Variants in CTNND2 observed in about 807,000 individuals in gnomAD.
CTNND2 encodes catenin delta-2.
Under a neutral mutation model 144.4 loss-of-function variants are expected in CTNND2, and 22 were observed. That is an observed-to-expected ratio of 0.15 (90% CI 0.11 to 0.22). The LOEUF is 0.22. Ranked by LOEUF, CTNND2 falls within the 10% of genes least tolerant of loss-of-function variation. The pLI is 1.00. For synonymous variants in CTNND2, 751 were observed against 695.6 expected, an observed-to-expected ratio of 1.08 and a Z score of -1.25; for missense variants, 1,353 against 1,618.8, an observed-to-expected ratio of 0.84 and a Z score of 2.82.
chr5:11,117,454 C>G lies in CTNND2; in HGVS notation c.2273G>C (p.Ser758Thr), dbSNP rs774124035. The G allele has an allele frequency of 6.2e-7, 1 of 1,613,040 alleles. No homozygotes were observed. The highest frequency in any genetic ancestry group is 8.5e-7 in the Non-Finnish European group (1 of 1,178,986). ...ATCTATGCCAGCACAACCAACCTTG[C>G]TATCGATCTCACTGCTCCCCAGCGC... The part of the protein sequence containing the change: ...QSALGSSEID[S>T]KTVENCVCIL... The change falls in exon 13 of 22, where the codon AGC becomes ACC. Residue 758 changes from serine to threonine, a missense_variant. By Grantham distance (58) the Ser-to-Thr change is moderately conservative. This residue lies in a region of CTNND2 where 459 missense variants were observed against 674.3 expected (regional missense o/e 0.68). Coordinates refer to ENST00000304623, the MANE Select transcript of CTNND2 (RefSeq NM_001332.4).
intron 1 of CTNND2, among the ~76,000 whole-genome samples, chr5:11,879,369 A>ATG (rs1735853227): frequency 8.0e-5 from 11 of 138,234 alleles, no homozygotes; most frequent in East Asian, 2.1e-4. Context: ...ATATACACAC[A>ATG]CACACAAACA....
chr5:11,656,988 G>T (rs903890348), intron 2 of CTNND2, among the ~76,000 whole-genome samples: 14 of 152,112 alleles, frequency 9.2e-5, no homozygotes, highest in African/African-American at 3.4e-4. Context: ...TAGGGCTGTT[G>T]TCTGAAAACA....
At chr5:11,717,920 C>G (rs919088140) in intron 2 of CTNND2, among the ~76,000 whole-genome samples, 4 of 152,120 alleles carry the variant, frequency 2.6e-5, no homozygotes, top group African/African-American at 9.7e-5. Flanking sequence ...CCATATCACT[C>G]ACCATTAATG....
At chr5:10,982,193 C>T (rs1434874640) in intron 20 of CTNND2, among the ~76,000 whole-genome samples, 3 of 152,214 alleles carry the variant, frequency 2.0e-5, no homozygotes, top group Admixed American at 6.5e-5. Context: ...TGCACTGAAG[C>T]ATGCAGGAGT....
chr5:11,530,709 C>T (rs950322651), intron 3 of CTNND2, among the ~76,000 whole-genome samples: 1 of 152,186 alleles, frequency 6.6e-6, no homozygotes, highest in Non-Finnish European at 1.5e-5. Context: ...AACAATATTT[C>T]TGATCACATA....
At chr5:11,114,908 C>T (rs1478966879) in intron 13 of CTNND2, among the ~76,000 whole-genome samples, 1 of 152,114 alleles carries the variant, frequency 6.6e-6, no homozygotes, top group Non-Finnish European at 1.5e-5. Context: ...CATTAAAACC[C>T]AATAGCACAA....
intron 9 of CTNND2, among the ~76,000 whole-genome samples, chr5:11,306,642 G>A (rs1046010802): frequency 6.6e-6 from 1 of 152,084 alleles, no homozygotes; most frequent in African/African-American, 2.4e-5. Flanking sequence ...GTTGACCTTG[G>A]GGACTGTTAT....
chr5:11,527,095 A>G (rs1434728954), intron 3 of CTNND2, among the ~76,000 whole-genome samples: 1 of 152,142 alleles, frequency 6.6e-6, no homozygotes, highest in East Asian at 1.9e-4. Flanking sequence ...GGGGAGTTAC[A>G]ATTTATACTT....
intron 9 of CTNND2, among the ~76,000 whole-genome samples, chr5:11,289,145 C>A (rs969594669): frequency 6.6e-6 from 1 of 152,216 alleles, no homozygotes; most frequent in Non-Finnish European, 1.5e-5. Flanking sequence ...CTCATGAGAT[C>A]CTCGTGCTGT....
chr5:11,686,823 A>C (rs1784675316), intron 2 of CTNND2, among the ~76,000 whole-genome samples: 2 of 148,318 alleles, frequency 1.3e-5, no homozygotes, highest in Admixed American at 1.4e-4. Context: ...TTTATATACT[A>C]TATGTATCTA....
At chr5:11,625,550 C>T (rs1196780905) in intron 2 of CTNND2, among the ~76,000 whole-genome samples, 1 of 152,014 alleles carries the variant, frequency 6.6e-6, no homozygotes, top group Non-Finnish European at 1.5e-5. Context: ...TCTTTGCAAT[C>T]ATGGATTAAA....
At chr5:11,860,056 TAAC>T (rs1284100509) in intron 1 of CTNND2, among the ~76,000 whole-genome samples, 1 of 152,222 alleles carries the variant, frequency 6.6e-6, no homozygotes, top group Non-Finnish European at 1.5e-5. Flanking sequence ...TCATTCATCA[TAAC>T]AACTGTGATC....
intron 1 of CTNND2, among the ~76,000 whole-genome samples, chr5:11,834,546 C>T (rs1794071851): frequency 6.6e-6 from 1 of 152,082 alleles, no homozygotes; most frequent in African/African-American, 2.4e-5. Flanking sequence ...CCATAATATG[C>T]ATGTTTTATT....
intron 2 of CTNND2, among the ~76,000 whole-genome samples, chr5:11,614,515 G>A (rs1308424125): frequency 6.6e-6 from 1 of 152,208 alleles, no homozygotes; most frequent in Non-Finnish European, 1.5e-5. Flanking sequence ...GTATTAAGAT[G>A]AATTTTAACT....
At chr5:11,246,308 G>A (rs1236356994) in intron 9 of CTNND2, among the ~76,000 whole-genome samples, 1 of 152,172 alleles carries the variant, frequency 6.6e-6, no homozygotes, top group Non-Finnish European at 1.5e-5. Flanking sequence ...TTGGAAATAG[G>A]ATCTTTGCAG....
intron 2 of CTNND2, among the ~76,000 whole-genome samples, chr5:11,669,136 C>G (rs1046764622): frequency 2.4e-4 from 37 of 152,134 alleles, no homozygotes; most frequent in African/African-American, 8.7e-4. Flanking sequence ...GGTGGATAAG[C>G]TTTTTGATGT....
rs17221040 is a variant in CTNND2, at chr5:11,588,962, G to C, written c.175-23906C>G. ...CGAGAAGGGAGTGAAGAACAGCCTC[G>C]AAAAAGTCAGGACGCTGAATTATCC... On this transcript the variant is annotated intron_variant, in intron 2 of 21. Transcript: ENST00000304623. 716 of 985,264 alleles carry C rather than the reference G, an allele frequency of 7.3e-4. 4 individuals carry two copies. Among genetic ancestry groups the C allele is most frequent in the Non-Finnish European group, 6.5e-4 (540 of 829,922 alleles). The allele number at this position is 985,264 out of a possible 1,614,324, so 61.0% of individuals were successfully genotyped here. A position where few individuals can be genotyped will look rare whatever the true frequency, so the allele number is the denominator to read the frequency against.
At chr5:11,203,314 C>T (rs1302802) in intron 10 of CTNND2, among the ~76,000 whole-genome samples, 17,073 of 152,226 alleles carry the variant, frequency 0.11, 1,262 homozygotes, top group East Asian at 0.28. Flanking sequence ...ATTTATCCCC[C>T]TAGTCGATCA....
At chr5:11,705,738 C>A (rs1439108637) in intron 2 of CTNND2, among the ~76,000 whole-genome samples, 7 of 152,142 alleles carry the variant, frequency 4.6e-5, no homozygotes, top group Non-Finnish European at 1.0e-4. Context: ...TTTTATCTTT[C>A]CCTTGACTCT....
Sources: allele counts gnomAD v4.1 joint callset (sites outside exome capture counted in the v4.1 genomes callset), GRCh38; gene constraint gnomAD v4.1.1; regional missense constraint gnomAD v4.1.1; transcripts MANE v1.5; gene names NCBI Gene and HGNC (gene_info 2026-07-23, HGNC 2026-07-21).